The following XPNPEP3 variants were observed in gnomAD, a reference collection of about 807,000 sequenced individuals.
The protein encoded by XPNPEP3 is X-prolyl aminopeptidase 3, also known as xaa-Pro aminopeptidase 3.
Under a neutral mutation model 60.0 loss-of-function variants are expected in XPNPEP3, and 41 were observed. That is an observed-to-expected ratio of 0.68 (90% CI 0.53 to 0.89). The LOEUF is 0.89. Ranked by LOEUF, XPNPEP3 falls within the 40% of genes least tolerant of loss-of-function variation. The pLI, the probability that XPNPEP3 is intolerant of heterozygous loss-of-function variation, is 0.00. For missense variants in XPNPEP3, 598 were observed against 638.9 expected, an observed-to-expected ratio of 0.94 and a Z score of 0.69; for synonymous variants, 212 against 223.2, an observed-to-expected ratio of 0.95 and a Z score of 0.45.
chr22:40,857,194 C>G lies in XPNPEP3; in HGVS notation c.13C>G (p.Leu5Val), dbSNP rs62642962. The change falls in exon 1 of 10, where the codon CTC (leucine) becomes GTC (valine). Residue 5 changes from leucine (L) to valine (V), a missense_variant. Coordinates refer to ENST00000357137, the MANE Select transcript of XPNPEP3 (RefSeq NM_022098.4). The part of the protein sequence containing the change: MPWL[L>V]SAPKLVPAVA... ...GAGTTAGGCCGTAATGCCTTGGCTG[C>G]TCTCAGCCCCCAAGCTGGTTCCCGC... 1.9e-6 allele frequency: 3 copies of G among 1,614,120 alleles called. No homozygotes were observed. The highest frequency in any genetic ancestry group is 2.5e-6 in the Non-Finnish European group (3 of 1,180,050).
rs529925238 is a variant in XPNPEP3 at position 40,884,420 on chromosome 22, C to T, written c.590-1893C>T. ...TCTCGGCTCACTGCAACTCCTGCCTCCCAGGTTCAAGTAATTCTCCTGCCT... is the reference window on the plus strand; with the variant it reads ...TCTCGGCTCACTGCAACTCCTGCCTTCCAGGTTCAAGTAATTCTCCTGCCT... On this transcript the variant is annotated intron_variant, in intron 3 of 9. Coordinates refer to ENST00000357137, the MANE Select transcript of XPNPEP3 (RefSeq NM_022098.4). Among the ~76,000 whole-genome samples, 40 of 151,766 alleles carry T rather than the reference C, an allele frequency of 2.6e-4. No homozygotes were observed. The South Asian group carries it at 7.3e-3, about 28-fold the overall frequency.
intron 7 of XPNPEP3, among the ~76,000 whole-genome samples, chr22:40,915,580 G>A (rs1452083851): frequency 1.3e-5 from 2 of 151,830 alleles, no homozygotes; most frequent in Non-Finnish European, 2.9e-5. Flanking sequence ...AACTATAATG[G>A]ATAAAAATGG....
chr22:40,898,100 TTTG>T (rs151307900), intron 4 of XPNPEP3, among the ~76,000 whole-genome samples: 5 of 151,928 alleles, frequency 3.3e-5, no homozygotes, highest in East Asian at 3.9e-4. Flanking sequence ...GTCCAGTTTT[TTTG>T]TTGTTGTTAA....
Position 40,930,135 on chromosome 22 carries a change from T to C in XPNPEP3, c.*3700T>C, listed in dbSNP as rs1439691684. 1 of 148,030 alleles carries C rather than the reference T, an allele frequency of 6.8e-6. No homozygotes were observed. Among genetic ancestry groups the C allele is most frequent in the Non-Finnish European group, 1.5e-5 (1 of 66,794 alleles). 9.2% of individuals were successfully genotyped at this position (148,030 alleles called of 1,614,324 possible). ...AAGGTTTTTTGTGGGGTTTTTTTGT[T>C]TTTTTTTTTTTTGAGATGGAGTCTC... On this transcript the variant is annotated 3_prime_UTR_variant, in exon 10 of 10. Transcript: ENST00000357137.
intron 4 of XPNPEP3, 28 bp downstream of exon 4, chr22:40,886,543 C>T (rs2058069537): frequency 1.4e-5 from 23 of 1,607,504 alleles, no homozygotes; most frequent in Non-Finnish European, 1.9e-5. Context: ...AAGTTTTTTC[C>T]AGCCGGGCGC....
chr22:40,876,198 C>G (rs1229030877), intron 2 of XPNPEP3, among the ~76,000 whole-genome samples: 1 of 152,128 alleles, frequency 6.6e-6, no homozygotes, highest in Admixed American at 6.6e-5. Flanking sequence ...AATGGAGATT[C>G]ATTCCTAACA....
intron 1 of XPNPEP3, among the ~76,000 whole-genome samples, chr22:40,865,814 C>T (rs964304773): frequency 1.3e-5 from 2 of 152,132 alleles, no homozygotes; most frequent in South Asian, 2.1e-4. Flanking sequence ...GGATTACAAG[C>T]ATGAGCCACC....
At chr22:40,894,999 A>G (rs1380326331) in intron 4 of XPNPEP3, among the ~76,000 whole-genome samples, 3 of 152,176 alleles carry the variant, frequency 2.0e-5, no homozygotes, top group African/African-American at 7.2e-5. Flanking sequence ...ATAGCCTATA[A>G]TTCAGCCCTG....
Position 40,881,849 on chromosome 22 carries a change from T to C in XPNPEP3, c.261T>C (p.Ala87=), listed in dbSNP as rs1283505949. Residue 87 remains alanine (A), a synonymous_variant, in exon 3 of 10, where the codon GCT becomes GCC. Transcript: ENST00000357137. ...HKLMSLIQKE[A]QGQSGTDQTV... ...TAATGTCTCTGATCCAGAAGGAAGC[T>C]CAAGGGCAGAGTGGGACAGACCAGA... The C allele has an allele frequency of 2.5e-6, 4 of 1,614,140 alleles. No individual in the cohort carries two copies. The highest frequency in any genetic ancestry group is 3.4e-6 in the Non-Finnish European group (4 of 1,180,028).
intron 7 of XPNPEP3, among the ~76,000 whole-genome samples, chr22:40,920,350 A>G (rs1365871995): frequency 6.6e-6 from 1 of 152,178 alleles, no homozygotes; most frequent in Non-Finnish European, 1.5e-5. Context: ...AGCCTGGGTG[A>G]AAGAGCGAAA....
At chr22:40,902,104 G>C (rs1241962853) in intron 4 of XPNPEP3, among the ~76,000 whole-genome samples, 2 of 131,334 alleles carry the variant, frequency 1.5e-5, no homozygotes, top group African/African-American at 6.0e-5. Context: ...ATGGAGTCTC[G>C]CTCTGTCGCC....
At chr22:40,870,460 A>T (rs1601491846) in intron 2 of XPNPEP3, 1 of 154,364 alleles carries the variant, frequency 6.5e-6, no homozygotes, top group Admixed American at 6.5e-5. Context: ...TATCTGGGGG[A>T]AAAGGGATGC....
intron 4 of XPNPEP3, 113 bp from the exon 5 acceptor site, chr22:40,907,467 ACTTCAGG>A: frequency 9.5e-7 from 1 of 1,047,190 alleles, no homozygotes; most frequent in Admixed American, 1.8e-5. Context: ...GTAGGTCACA[ACTTCAGG>A]CTGACGAAAT....
At chr22:40,893,118 A>G (rs1193253515) in intron 4 of XPNPEP3, among the ~76,000 whole-genome samples, 1 of 147,306 alleles carries the variant, frequency 6.8e-6, no homozygotes, top group East Asian at 2.0e-4. Flanking sequence ...ATATATAAAT[A>G]TATATTATAT....
rs1213103303 is a variant in XPNPEP3, at chr22:40,857,178, C to T, written c.-4C>T. The T allele has an allele frequency of 5.0e-6, 8 of 1,614,044 alleles. No individual in the cohort carries two copies. Among genetic ancestry groups the T allele is most frequent in the African/African-American group, 1.3e-5 (1 of 74,932 alleles). ...TCTCTTCCCGACGCGTGAGTTAGGC[C>T]GTAATGCCTTGGCTGCTCTCAGCCC... On this transcript the variant is annotated 5_prime_UTR_variant, in exon 1 of 10. Transcript: ENST00000357137.
At chr22:40,885,716 G>A (rs558391479) in intron 3 of XPNPEP3, among the ~76,000 whole-genome samples, 53 of 152,338 alleles carry the variant, frequency 3.5e-4, no homozygotes, top group African/African-American at 1.3e-3. Flanking sequence ...CGGGCATGGT[G>A]ATTCACGCCT....
At chr22:40,860,941 T>C in intron 1 of XPNPEP3, 11 of 952,934 alleles carry the variant, frequency 1.2e-5, no homozygotes, top group Non-Finnish European at 1.7e-5. Flanking sequence ...ACTAACCAAA[T>C]GTCCACAATC....
intron 1 of XPNPEP3, among the ~76,000 whole-genome samples, chr22:40,865,435 TCTC>T (rs1436198027): frequency 2.0e-5 from 3 of 151,588 alleles, no homozygotes; most frequent in Non-Finnish European, 2.9e-5. Flanking sequence ...TTCAAGCCAT[TCTC>T]CTGCTTCAGC....
At chr22:40,885,792 A>T (rs1305991365) in intron 3 of XPNPEP3, among the ~76,000 whole-genome samples, 1 of 152,046 alleles carries the variant, frequency 6.6e-6, no homozygotes, top group African/African-American at 2.4e-5. Context: ...GACCAGCCTG[A>T]CCAATATGGT....
Sources: gnomAD v4.1 joint callset for allele counts (sites outside exome capture counted in the v4.1 genomes callset) on GRCh38, gnomAD v4.1.1 for gene constraint, MANE v1.5 for transcripts, NCBI Gene and HGNC (gene_info 2026-07-23, HGNC 2026-07-21) for gene names.